Variants in ARPC5L observed in about 807,000 individuals in gnomAD.
The protein encoded by ARPC5L is actin-related protein 2/3 complex subunit 5-like protein.
Under a neutral mutation model 16.9 loss-of-function variants are expected in ARPC5L, and 4 were observed. The ratio of observed to expected loss-of-function variants is 0.24; its 90% CI spans 0.12 to 0.54. ARPC5L has a LOEUF of 0.54. Ranked by LOEUF, ARPC5L falls within the 20% of genes least tolerant of loss-of-function variation. The probability of loss-of-function intolerance (pLI) is 0.95; values close to 1 mark genes in which losing one functional copy is unlikely to be tolerated. For synonymous variants in ARPC5L, 78 were observed against 82.6 expected, an observed-to-expected ratio of 0.94 and a Z score of 0.30; for missense variants, 151 against 201.9, an observed-to-expected ratio of 0.75 and a Z score of 1.53.
chr9:124,873,168 C>G (rs1419377560), intron 3 of ARPC5L: 1 of 152,944 alleles, frequency 6.5e-6, no homozygotes, highest in Non-Finnish European at 1.5e-5. Flanking sequence ...TTGATAAACT[C>G]TTTCCAGGTA....
In ARPC5L at chr9:124,869,090, G is replaced by A. The variant is rs531919280; in HGVS notation, c.-201G>A. The stretch of plus-strand genomic sequence containing the variant: ...TACCGCACTCCAGGTGCCAGGCTCC[G>A]CCCCGCCCCTGACGGCGCTTCCGGA... On this transcript the variant is annotated 5_prime_UTR_variant, in exon 3 of 6. Coordinates refer to ENST00000353214, the MANE Select transcript of ARPC5L (RefSeq NM_030978.3). 9.2e-5 allele frequency: 46 copies of A among 500,430 alleles called. No individual in the cohort carries two copies. The highest frequency in any genetic ancestry group is 5.7e-4 in the Middle Eastern group (1 of 1,754). The allele number at this position is 500,430 out of a possible 1,614,324, so 31.0% of individuals were successfully genotyped here. A position where few individuals can be genotyped will look rare whatever the true frequency, so the allele number is the denominator to read the frequency against.
intron 4 of ARPC5L, among the ~76,000 whole-genome samples, 164 bp from the exon 5 acceptor site, chr9:124,874,811 A>C (rs914325066): frequency 2.6e-5 from 4 of 152,176 alleles, no homozygotes; most frequent in Admixed American, 2.0e-4. Context: ...GATACTTTGA[A>C]ATTTAAATCC....
intron 2 of ARPC5L, among the ~76,000 whole-genome samples, chr9:124,867,783 A>G (rs901249947): frequency 6.8e-6 from 1 of 146,082 alleles, no homozygotes; most frequent in African/African-American, 2.5e-5. Flanking sequence ...TGTTTCCAGG[A>G]CCCCTGAGAC....
At chr9:124,870,910 T>C (rs1424297405) in intron 3 of ARPC5L, among the ~76,000 whole-genome samples, 21 of 152,182 alleles carry the variant, frequency 1.4e-4, no homozygotes, top group Admixed American at 1.2e-3. Context: ...GCTTAGCACA[T>C]CCAGGGGATG....
chr9:124,875,938 G>A (rs1057224516), intron 5 of ARPC5L, among the ~76,000 whole-genome samples: 56 of 152,296 alleles, frequency 3.7e-4, no homozygotes, highest in African/African-American at 1.3e-3. Context: ...GTCTGCTGGC[G>A]GGTGTGCTGC....
intron 4 of ARPC5L, among the ~76,000 whole-genome samples, chr9:124,874,126 C>T (rs985391625): frequency 8.5e-5 from 13 of 152,194 alleles, no homozygotes; most frequent in South Asian, 2.1e-4. Context: ...AGTACCCGTA[C>T]GCTTTCCTAC....
At chr9:124,863,892 C>T (rs1829236706) in intron 1 of ARPC5L, 96 bp from the exon 2 acceptor site, 1 of 152,246 alleles carries the variant, frequency 6.6e-6, no homozygotes, top group Non-Finnish European at 1.5e-5. Context: ...AAGGAGACTT[C>T]TCCCATCTCC....
Position 124,875,111 on chromosome 9 carries a change from C to T in ARPC5L, c.359C>T (p.Thr120Ile), listed in dbSNP as rs1284580769. 9 of 1,614,120 alleles carry T rather than the reference C, an allele frequency of 5.6e-6. No homozygotes were observed. The highest frequency in any genetic ancestry group is 4.5e-5 in the East Asian group (2 of 44,888). The change falls in exon 5 of 6, where the codon ACA becomes ATA. Residue 120 changes from threonine (T) to isoleucine (I), a missense_variant. Transcript: ENST00000353214. ...KYIYKGFEKP[T>I]ENSSAVLLQW... is the part of the protein sequence containing the mutation. ...ATTTATAAAGGCTTTGAGAAGCCCA[C>T]AGAAAATAGCAGCGCAGTGTTACTC...
chr9:124,862,691 A>C (rs2131327660), intron 1 of ARPC5L, among the ~76,000 whole-genome samples: 2 of 149,216 alleles, frequency 1.3e-5, no homozygotes, highest in Admixed American at 1.3e-4. Flanking sequence ...CGCCTGGCTA[A>C]TTTTTTGTAT....
At position 124,876,953 on chromosome 9, in the gene ARPC5L, G is replaced by A. The variant is rs1829450544; in HGVS notation, c.*13G>A. On this transcript the variant is annotated 3_prime_UTR_variant, in exon 6 of 6. Coordinates refer to ENST00000353214, the MANE Select transcript of ARPC5L (RefSeq NM_030978.3). ...AAAGACTGTTTAAAAAAAATAAAAA[G>A]ACTCATGTTACCTTGAGAAGAATTC... 1.2e-6 allele frequency: 2 copies of A among 1,604,992 alleles called. No individual in the cohort carries two copies. The highest frequency in any genetic ancestry group is 3.4e-5 in the Admixed American group (2 of 59,120).
intron 2 of ARPC5L, among the ~76,000 whole-genome samples, chr9:124,867,727 A>C (rs1380934736): frequency 1.3e-5 from 2 of 151,832 alleles, no homozygotes; most frequent in African/African-American, 4.8e-5. Flanking sequence ...CTGAATCACA[A>C]ATATTTTTTC....
chr9:124,869,477 GCCTTCTCA>G (rs1299775429), intron 3 of ARPC5L, 38 bp downstream of exon 3: 26 of 1,419,878 alleles, frequency 1.8e-5, no homozygotes, highest in Non-Finnish European at 5.5e-6. Context: ...CCTGCGCGCG[GCCTTCTCA>G]CCTTCCCACC....
intron 5 of ARPC5L, among the ~76,000 whole-genome samples, chr9:124,876,475 A>G (rs1165602987): frequency 6.6e-6 from 1 of 152,136 alleles, no homozygotes; most frequent in African/African-American, 2.4e-5. Flanking sequence ...GACAAGAGCG[A>G]AACTCCGTCT....
intron 2 of ARPC5L, among the ~76,000 whole-genome samples, chr9:124,867,808 C>CTTTT (rs57343594): frequency 2.7e-4 from 27 of 98,534 alleles, no homozygotes; most frequent in Non-Finnish European, 4.1e-4. Flanking sequence ...CTTTTCTTTT[C>CTTTT]TTTTTTTTTT....
rs1829323136 is a variant in ARPC5L, at chr9:124,869,450, C to T, written c.149+11C>T. On this transcript the variant is annotated intron_variant, in intron 3 of 5. Transcript: ENST00000353214. Reference sequence around the variant, plus strand: ...CGGGCTCCTGCGGCAATATCCTTCCCTGACGCGGCGTCCGGGCCTGCGCGC... The same window carrying T: ...CGGGCTCCTGCGGCAATATCCTTCCTTGACGCGGCGTCCGGGCCTGCGCGC... The T allele has an allele frequency of 1.4e-6, 2 of 1,444,652 alleles. No homozygotes were observed. The highest frequency in any genetic ancestry group is 1.8e-6 in the Non-Finnish European group (2 of 1,100,214). The allele number at this position is 1,444,652 out of a possible 1,614,324, so 89.5% of individuals were successfully genotyped here. A position where few individuals can be genotyped will look rare whatever the true frequency, so the allele number is the denominator to read the frequency against.
chr9:124,869,216 G>A lies in ARPC5L; in HGVS notation c.-75G>A. ...GGCAGCCGCTTCCCGCCCCCGAGCA[G>A]GAGCCGGTGCGAGCGGAGCAGAGCC... is the stretch of plus-strand genomic sequence containing the variant. On this transcript the variant is annotated 5_prime_UTR_variant, in exon 3 of 6. Coordinates refer to ENST00000353214, the MANE Select transcript of ARPC5L (RefSeq NM_030978.3). The A allele has an allele frequency of 2.2e-6, 3 of 1,362,582 alleles. No homozygotes were observed. The highest frequency in any genetic ancestry group is 1.9e-6 in the Non-Finnish European group (2 of 1,054,170). The allele number at this position is 1,362,582 out of a possible 1,614,324, so 84.4% of individuals were successfully genotyped here. A position where few individuals can be genotyped will look rare whatever the true frequency, so the allele number is the denominator to read the frequency against.
At chr9:124,862,672 G>A (rs768563650) in intron 1 of ARPC5L, among the ~76,000 whole-genome samples, 6 of 151,214 alleles carry the variant, frequency 4.0e-5, no homozygotes, top group Non-Finnish European at 8.8e-5. Context: ...TTACAGGCAT[G>A]CACCACCACG....
intron 2 of ARPC5L, among the ~76,000 whole-genome samples, chr9:124,867,076 C>G (rs943628731): frequency 1.3e-5 from 2 of 152,030 alleles, no homozygotes; most frequent in Non-Finnish European, 2.9e-5. Context: ...AACCTCTGAG[C>G]CTTCGCTTAG....
chr9:124,862,184 G>T lies in ARPC5L; in HGVS notation c.-1198G>T, dbSNP rs1243928248. 2.2e-5 allele frequency: 9 copies of T among 415,674 alleles called. No individual in the cohort carries two copies. The highest frequency in any genetic ancestry group is 1.9e-4 in the African/African-American group (9 of 48,496). 25.7% of individuals were successfully genotyped at this position (415,674 alleles called of 1,614,324 possible). On this transcript the variant is annotated 5_prime_UTR_variant, in exon 1 of 6. Transcript: ENST00000353214. ...CGTCACGGTGTAGGCGCGCAGTTGG[G>T]GAAACCGAGGCCCAACGTGGGCGGC...
Sources: allele counts gnomAD v4.1 joint callset (sites outside exome capture counted in the v4.1 genomes callset), GRCh38; gene constraint gnomAD v4.1.1; transcripts MANE v1.5; gene names NCBI Gene and HGNC (gene_info 2026-07-23, HGNC 2026-07-21).